The following EPAS1 variants were observed in gnomAD, a reference collection of about 807,000 sequenced individuals.
The protein encoded by EPAS1 is endothelial PAS domain protein 1.
A neutral mutation model predicts 87.9 loss-of-function variants in EPAS1; 23 were observed. The ratio of observed to expected loss-of-function variants is 0.26; its 90% CI spans 0.19 to 0.37. The LOEUF is 0.37. Among genes scored for constraint, EPAS1 ranks in the 10% least tolerant of loss-of-function variants. The pLI, the probability that EPAS1 is intolerant of heterozygous loss-of-function variation, is 1.00. For synonymous variants in EPAS1, 508 were observed against 444.3 expected (o/e 1.14, Z -1.80); for missense variants, 1,138 against 1,120.7 (o/e 1.02, Z -0.22).
At chr2:46,341,335 G>T (rs1366324398) in intron 1 of EPAS1, among the ~76,000 whole-genome samples, 1 of 152,254 alleles carries the variant, frequency 6.6e-6, no homozygotes, top group Non-Finnish European at 1.5e-5. Context: ...TTTGGGGTTT[G>T]AAATGAGGTG....
chr2:46,331,450 A>G (rs1277166545), intron 1 of EPAS1, among the ~76,000 whole-genome samples: 1 of 152,264 alleles, frequency 6.6e-6, no homozygotes, highest in East Asian at 1.9e-4. Context: ...TTAAAACAAA[A>G]CAAAACTGTT....
chr2:46,343,076 G>A (rs531642662), intron 1 of EPAS1, among the ~76,000 whole-genome samples: 1 of 152,302 alleles, frequency 6.6e-6, no homozygotes, highest in Admixed American at 6.5e-5. Flanking sequence ...TGGCAGGGTT[G>A]GACCTGCTGC....
In EPAS1 at chr2:46,302,116, C is replaced by CTGTGTG. The variant is rs1168147238; in HGVS notation, c.26+4180_26+4181insGTGTGT. The stretch of plus-strand genomic sequence containing the variant: ...ATTTACTTAGAATGTCCCTCTTTCT[C>CTGTGTG]TCTGTGTGTGTGTGTGTGTGTGTGT... On this transcript the variant is annotated intron_variant, in intron 1 of 15. Transcript: ENST00000263734. Among the ~76,000 whole-genome samples the CTGTGTG allele has an allele frequency of 2.0e-4, 11 of 54,588 alleles. 1 individual carries two copies. Among genetic ancestry groups the CTGTGTG allele is most frequent in the Admixed American group, 6.1e-4 (2 of 3,286 alleles). The allele number at this position is 54,588 out of a possible 152,430, so 35.8% of individuals were successfully genotyped here. A position where few individuals can be genotyped will look rare whatever the true frequency, so the allele number is the denominator to read the frequency against.
rs1031247665 is a variant in EPAS1, at chr2:46,384,721, C to G, written c.*61C>G. 2.0e-5 allele frequency: 32 copies of G among 1,589,638 alleles called. No individual in the cohort carries two copies. Among genetic ancestry groups the G allele is most frequent in the Non-Finnish European group, 2.7e-5 (31 of 1,169,716 alleles). Reference sequence around the variant, plus strand: ...GCCGTCCCACCAGCTTCACTCTCTCCGTCTGTTTTTGCAACTAGGTATTTC... The same window carrying G: ...GCCGTCCCACCAGCTTCACTCTCTCGGTCTGTTTTTGCAACTAGGTATTTC... On this transcript the variant is annotated 3_prime_UTR_variant, in exon 16 of 16. Transcript: ENST00000263734.
chr2:46,347,121 A>T lies in EPAS1; in HGVS notation c.217+58A>T. On this transcript the variant is annotated intron_variant, in intron 2 of 15. Transcript: ENST00000263734. The surrounding 1 kb of genome is among the most constrained non-coding windows in gnomAD (Gnocchi z 4.2). ...ATGCCAGCCTTACCAGCATGTTCCTATATGCAGGGGACCCTTCTGCTGCCA... is the reference window on the plus strand; with the variant it reads ...ATGCCAGCCTTACCAGCATGTTCCTTTATGCAGGGGACCCTTCTGCTGCCA... 3 of 1,599,634 alleles carry T rather than the reference A, an allele frequency of 1.9e-6. No homozygotes were observed. Among genetic ancestry groups the T allele is most frequent in the Non-Finnish European group, 2.6e-6 (3 of 1,167,032 alleles).
intron 1 of EPAS1, among the ~76,000 whole-genome samples, chr2:46,328,452 G>C (rs1683607984): frequency 6.6e-6 from 1 of 152,196 alleles, no homozygotes; most frequent in South Asian, 2.1e-4. Context: ...GTGCAAGCTT[G>C]AACTCCCTGG....
rs1684996694 is a variant in EPAS1 at position 46,385,478 on chromosome 2, C to T, written c.*818C>T. Reference sequence around the variant, plus strand: ...AAATGGAATCCTGCTCACAAAATCACTTTAAGATCTTTTCGAAGCTGTTAA... The same window carrying T: ...AAATGGAATCCTGCTCACAAAATCATTTTAAGATCTTTTCGAAGCTGTTAA... On this transcript the variant is annotated 3_prime_UTR_variant, in exon 16 of 16. Transcript: ENST00000263734. 1 of 152,216 alleles carries T rather than the reference C, an allele frequency of 6.6e-6. No individual in the cohort carries two copies. The highest frequency in any genetic ancestry group is 1.5e-5 in the Non-Finnish European group (1 of 68,060). 9.4% of individuals were successfully genotyped at this position (152,216 alleles called of 1,614,324 possible).
chr2:46,300,045 G>A lies in EPAS1; in HGVS notation c.26+2108G>A, dbSNP rs1029700673. On this transcript the variant is annotated intron_variant, in intron 1 of 15. Transcript: ENST00000263734. This position sits in a 1 kb window ranked among gnomAD's most constrained non-coding sequence, Gnocchi z 4.1. ...GCTGCAGAATGGCAGGGCAAACAGC[G>A]TGTCCTTCACCATCTAGAGCCCCTT... Among the ~76,000 whole-genome samples, 3 of 152,212 alleles carry A rather than the reference G, an allele frequency of 2.0e-5. No homozygotes were observed. Among genetic ancestry groups the A allele is most frequent in the East Asian group, 3.8e-4 (2 of 5,198 alleles).
intron 1 of EPAS1, among the ~76,000 whole-genome samples, chr2:46,343,590 T>A (rs1683952801): frequency 6.6e-6 from 1 of 152,208 alleles, no homozygotes. Flanking sequence ...GAGAATCAAA[T>A]GAGATAACAC....
chr2:46,345,811 T>TA (rs1684011711), intron 1 of EPAS1, among the ~76,000 whole-genome samples: 1 of 152,348 alleles, frequency 6.6e-6, no homozygotes. Context: ...TTTTAACTCT[T>TA]ATGATTGTCT....
At chr2:46,374,584 A>C (rs1270219938) in intron 7 of EPAS1, among the ~76,000 whole-genome samples, 4 of 152,090 alleles carry the variant, frequency 2.6e-5, no homozygotes, top group Non-Finnish European at 5.9e-5. Flanking sequence ...CAAAACCAAG[A>C]AGGATTGTTC....
intron 1 of EPAS1, among the ~76,000 whole-genome samples, chr2:46,345,441 C>T (rs770784735): frequency 3.9e-5 from 6 of 152,144 alleles, no homozygotes; most frequent in Non-Finnish European, 1.5e-5. Flanking sequence ...TAGAAGGAGA[C>T]AGGACAGTCA....
chr2:46,329,849 A>G (rs990213021), intron 1 of EPAS1, among the ~76,000 whole-genome samples: 1 of 152,108 alleles, frequency 6.6e-6, no homozygotes, highest in Non-Finnish European at 1.5e-5. Flanking sequence ...AAACACACAC[A>G]CACATCCTTC....
intron 6 of EPAS1, 27 bp downstream of exon 6, chr2:46,361,117 T>C: frequency 6.2e-7 from 1 of 1,608,968 alleles, no homozygotes; most frequent in Non-Finnish European, 8.5e-7. Context: ...GTGTATGCTG[T>C]GGGCAGAGAT....
At chr2:46,344,317 T>C (rs1378868242) in intron 1 of EPAS1, among the ~76,000 whole-genome samples, 1 of 152,198 alleles carries the variant, frequency 6.6e-6, no homozygotes, top group African/African-American at 2.4e-5. Context: ...AGAGGGAAGC[T>C]TTGTGCATGC....
At chr2:46,326,232 AG>A (rs1296823432) in intron 1 of EPAS1, among the ~76,000 whole-genome samples, 1 of 152,172 alleles carries the variant, frequency 6.6e-6, no homozygotes, top group East Asian at 1.9e-4. Context: ...TGGGAGAAGC[AG>A]GGGGAGTGGG....
intron 1 of EPAS1, among the ~76,000 whole-genome samples, chr2:46,302,136 G>A (rs1032991356): frequency 6.9e-6 from 1 of 145,696 alleles, no homozygotes; most frequent in Admixed American, 6.7e-5. Context: ...GTGTGTGTGT[G>A]TGTGTGTGTG....
Position 46,380,345 on chromosome 2 carries a change from C to A in EPAS1, c.1673C>A (p.Ser558Tyr). ...CGGCTCTTGGCGGAGAACCCACAGT[C>A]CACCCCCCAGCACTGCTTCAGTGCC... ...EERLLAENPQ[S>Y]TPQHCFSAMT... Residue 558 changes from serine to tyrosine, a missense_variant, in exon 12 of 16, where the codon TCC (serine) becomes TAC (tyrosine). Ser to Tyr is a moderately radical substitution (Grantham distance 144). This residue lies in a region of EPAS1 where 502 missense variants were observed against 427.1 expected (regional missense o/e 1.18). Coordinates refer to ENST00000263734, the MANE Select transcript of EPAS1 (RefSeq NM_001430.5). This position sits in a 1 kb window ranked among gnomAD's most constrained non-coding sequence, Gnocchi z 4.4. 1 of 1,614,178 alleles carries A rather than the reference C, an allele frequency of 6.2e-7. No individual in the cohort carries two copies. The highest frequency in any genetic ancestry group is 8.5e-7 in the Non-Finnish European group (1 of 1,180,018).
chr2:46,318,959 T>C (rs985945281), intron 1 of EPAS1, among the ~76,000 whole-genome samples: 9 of 152,204 alleles, frequency 5.9e-5, no homozygotes, highest in African/African-American at 2.2e-4. Context: ...AGTGAAACCC[T>C]TATTCATTGA....
Sources: gnomAD v4.1 joint callset for allele counts (sites outside exome capture counted in the v4.1 genomes callset) on GRCh38, gnomAD v4.1.1 for gene constraint, gnomAD v4.1.1 regional missense constraint, Gnocchi (gnomAD v3.1) non-coding constraint, MANE v1.5 for transcripts, NCBI Gene and HGNC (gene_info 2026-07-23, HGNC 2026-07-21) for gene names.